The following MACROD2 variants were observed in gnomAD, a reference collection of about 807,000 sequenced individuals.
MACROD2 encodes mono-ADP ribosylhydrolase 2, also known as ADP-ribose glycohydrolase MACROD2.
In MACROD2, 36 loss-of-function variants were observed where a neutral mutation model predicts 70.4. The observed-to-expected ratio is 0.51, with a 90% confidence interval of 0.39 to 0.68. The LOEUF (loss-of-function observed/expected upper bound fraction) is 0.68. Ranked by LOEUF, MACROD2 falls within the 30% of genes least tolerant of loss-of-function variation. The pLI is 0.00. For missense variants in MACROD2, 496 were observed against 538.4 expected (o/e 0.92, Z 0.78); for synonymous variants, 172 against 178.8 (o/e 0.96, Z 0.30).
At chr20:15,542,146 G>A (rs2047966101) in intron 8 of MACROD2, among the ~76,000 whole-genome samples, 1 of 152,194 alleles carries the variant, frequency 6.6e-6, no homozygotes, top group African/African-American at 2.4e-5. Flanking sequence ...CTTCTATGGA[G>A]ACAGTCAAAA....
chr20:14,135,154 T>A (rs569513965), intron 3 of MACROD2, among the ~76,000 whole-genome samples: 1 of 152,202 alleles, frequency 6.6e-6, no homozygotes, highest in Non-Finnish European at 1.5e-5. Context: ...ATTTACATAA[T>A]CTATAAGCAT....
chr20:14,605,637 A>T (rs992962911), intron 4 of MACROD2, among the ~76,000 whole-genome samples: 1 of 152,062 alleles, frequency 6.6e-6, no homozygotes, highest in East Asian at 1.9e-4. Flanking sequence ...GTAATCTAAA[A>T]TTTTTTCAAT....
intron 4 of MACROD2, among the ~76,000 whole-genome samples, chr20:14,664,789 GA>G (rs1001734484): frequency 4.4e-4 from 67 of 151,758 alleles, no homozygotes; most frequent in African/African-American, 1.6e-3. Flanking sequence ...CATCCTTAAA[GA>G]AAAAAACTTT....
chr20:14,269,082 A>G (rs1426749442), intron 3 of MACROD2, among the ~76,000 whole-genome samples: 2 of 152,176 alleles, frequency 1.3e-5, no homozygotes, highest in African/African-American at 2.4e-5. Flanking sequence ...TTTCAGCACT[A>G]CATAATCAAG....
At chr20:15,719,879 T>C (rs1275975126) in intron 8 of MACROD2, among the ~76,000 whole-genome samples, 1 of 152,076 alleles carries the variant, frequency 6.6e-6, no homozygotes, top group African/African-American at 2.4e-5. Flanking sequence ...TACTGTACAA[T>C]GGGACATCAC....
intron 3 of MACROD2, among the ~76,000 whole-genome samples, chr20:14,280,622 A>C (rs1161592084): frequency 1.3e-5 from 2 of 152,158 alleles, no homozygotes; most frequent in African/African-American, 4.8e-5. Context: ...TAGCCCATTT[A>C]GGTCATGAGT....
intron 5 of MACROD2, among the ~76,000 whole-genome samples, chr20:15,084,293 C>G (rs575585723): frequency 2.4e-4 from 36 of 152,066 alleles, no homozygotes; most frequent in Non-Finnish European, 4.3e-4. Flanking sequence ...GTCTCGAAGT[C>G]CTGACCTCAT....
intron 2 of MACROD2, among the ~76,000 whole-genome samples, chr20:14,007,122 T>C (rs1039609570): frequency 1.3e-5 from 2 of 152,194 alleles, no homozygotes; most frequent in Non-Finnish European, 2.9e-5. Flanking sequence ...TCCATTACGT[T>C]ATTAGGGGTT....
At chr20:14,782,096 G>A (rs761189480) in intron 5 of MACROD2, among the ~76,000 whole-genome samples, 1 of 151,768 alleles carries the variant, frequency 6.6e-6, no homozygotes, top group Admixed American at 6.6e-5. Flanking sequence ...GATAATTTTT[G>A]CATTTTTAGT....
chr20:15,243,372 C>A (rs1372850179), intron 6 of MACROD2, among the ~76,000 whole-genome samples: 1 of 152,140 alleles, frequency 6.6e-6, no homozygotes, highest in African/African-American at 2.4e-5. Context: ...AAATACCTTG[C>A]TTCAAGTGAT....
At chr20:16,043,144 T>C (rs2067330431) in intron 16 of MACROD2, among the ~76,000 whole-genome samples, 1 of 152,014 alleles carries the variant, frequency 6.6e-6, no homozygotes, top group Admixed American at 6.6e-5. Context: ...CTTTATAGGT[T>C]AGAAAAAGAG....
At chr20:15,310,527 T>TA in intron 6 of MACROD2, among the ~76,000 whole-genome samples, 1 of 152,098 alleles carries the variant, frequency 6.6e-6, no homozygotes, top group African/African-American at 2.4e-5. Flanking sequence ...ATGACTATAG[T>TA]AAAAAAGAGA....
At chr20:14,632,285 A>G (rs1984556563) in intron 4 of MACROD2, among the ~76,000 whole-genome samples, 1 of 152,180 alleles carries the variant, frequency 6.6e-6, no homozygotes, top group Non-Finnish European at 1.5e-5. Flanking sequence ...TAAATATTAT[A>G]TGTCAAGGTT....
chr20:15,401,260 G>A (rs1025500734), intron 6 of MACROD2, among the ~76,000 whole-genome samples: 2 of 152,124 alleles, frequency 1.3e-5, no homozygotes, highest in East Asian at 1.9e-4. Context: ...GGATGGTCTC[G>A]ATCTCCTGAC....
At position 14,913,259 on chromosome 20, in the gene MACROD2, G is replaced by C. The variant is rs749532123; in HGVS notation, c.418+228300G>C. Among the ~76,000 whole-genome samples the C allele has an allele frequency of 5.9e-5, 9 of 152,180 alleles. No individual in the cohort carries two copies. In the South Asian group the frequency reaches 1.4e-3, roughly 25 times the overall value. ...ATTTACCTGCCATGTGTTTGTCTCA[G>C]TGTTTGAACTGAGAAATAGGCTTTT... On this transcript the variant is annotated intron_variant, in intron 5 of 17. Coordinates refer to ENST00000684519, the MANE Select transcript of MACROD2 (RefSeq NM_001351661.2).
At chr20:15,775,038 G>C (rs1485831941) in intron 8 of MACROD2, among the ~76,000 whole-genome samples, 1 of 152,112 alleles carries the variant, frequency 6.6e-6, no homozygotes, top group Admixed American at 6.6e-5. Flanking sequence ...CATTCTGACG[G>C]GCTGAGAAGT....
At chr20:15,000,629 CAAA>C (rs398040701) in intron 5 of MACROD2, among the ~76,000 whole-genome samples, 3 of 21,976 alleles carry the variant, frequency 1.4e-4, no homozygotes, top group African/African-American at 2.4e-4. Context: ...GACTCCGTCT[CAAA>C]AAAAAAAAAA....
chr20:15,303,839 A>G (rs1451973450), intron 6 of MACROD2, among the ~76,000 whole-genome samples: 1 of 152,146 alleles, frequency 6.6e-6, no homozygotes, highest in Non-Finnish European at 1.5e-5. Flanking sequence ...CTTCTGGCCT[A>G]ACAGCCTACA....
chr20:15,106,709 GCTGCC>G (rs2075913611), intron 5 of MACROD2, among the ~76,000 whole-genome samples: 1 of 152,102 alleles, frequency 6.6e-6, no homozygotes, highest in Non-Finnish European at 1.5e-5. Context: ...TCTGGATAGT[GCTGCC>G]CTACAGAGAA....
Sources: allele counts gnomAD v4.1 joint callset (sites outside exome capture counted in the v4.1 genomes callset), GRCh38; gene constraint gnomAD v4.1.1; transcripts MANE v1.5; gene names NCBI Gene and HGNC (gene_info 2026-07-23, HGNC 2026-07-21).